KCNB2: variants seen among roughly 807,000 people sequenced by gnomAD.
KCNB2 encodes the protein delayed rectifier potassium channel protein.
Under a neutral mutation model 61.5 loss-of-function variants are expected in KCNB2, and 15 were observed. That is an observed-to-expected ratio of 0.24 (90% CI 0.16 to 0.38). The LOEUF is 0.38. Ranked by LOEUF, KCNB2 falls within the 10% of genes least tolerant of loss-of-function variation. The pLI, the probability that KCNB2 is intolerant of heterozygous loss-of-function variation, is 1.00. For missense variants in KCNB2, 828 were observed against 1,125.2 expected, an observed-to-expected ratio of 0.74 and a Z score of 3.78; for synonymous variants, 457 against 446.0, an observed-to-expected ratio of 1.02 and a Z score of -0.31.
chr8:72,826,064 T>C (rs1809591015), intron 2 of KCNB2, among the ~76,000 whole-genome samples: 1 of 152,244 alleles, frequency 6.6e-6, no homozygotes, highest in Admixed American at 6.5e-5. Flanking sequence ...TGAGTTAATC[T>C]TTATAAATGG....
intron 2 of KCNB2, among the ~76,000 whole-genome samples, chr8:72,925,038 G>T (rs1806611350): frequency 6.6e-6 from 1 of 152,164 alleles, no homozygotes; most frequent in Non-Finnish European, 1.5e-5. Context: ...TGGTCTTAAT[G>T]ATGCTGACCC....
rs1554544463 is a variant in KCNB2, at chr8:72,920,473, C to CTATA, written c.580-15450_580-15447dup. On this transcript the variant is annotated intron_variant, in intron 2 of 2. Transcript: ENST00000523207. ...TCTATCTATCTATCTATCTATCTATCTATATATATATATATTAGCTGGCCA... is the reference window on the plus strand; with the variant it reads ...TCTATCTATCTATCTATCTATCTATCTATATATATATATATATATTAGCTGGCCA... Among the ~76,000 whole-genome samples, 7 of 78,798 alleles carry CTATA rather than the reference C, an allele frequency of 8.9e-5. 1 individual carries two copies. Among genetic ancestry groups the CTATA allele is most frequent in the South Asian group, 4.2e-4 (1 of 2,366 alleles). 51.7% of individuals were successfully genotyped at this position (78,798 alleles called of 152,430 possible).
At chr8:72,641,749 TTCA>T (rs1454897927) in intron 2 of KCNB2, among the ~76,000 whole-genome samples, 1 of 152,130 alleles carries the variant, frequency 6.6e-6, no homozygotes, top group East Asian at 1.9e-4. Context: ...ACTCAGTTTC[TTCA>T]TCTGTAAAAT....
chr8:72,818,979 T>G (rs1210368921), intron 2 of KCNB2, among the ~76,000 whole-genome samples: 4 of 152,166 alleles, frequency 2.6e-5, no homozygotes, highest in Non-Finnish European at 5.9e-5. Context: ...GTGTCTCAGA[T>G]TCACCATTAT....
chr8:72,915,253 G>T (rs1178239489), intron 2 of KCNB2, among the ~76,000 whole-genome samples: 1 of 152,084 alleles, frequency 6.6e-6, no homozygotes, highest in African/African-American at 2.4e-5. Context: ...GGAAGAAGCT[G>T]CAGGGAGAAT....
intron 2 of KCNB2, among the ~76,000 whole-genome samples, chr8:72,797,410 A>C (rs1247605022): frequency 1.3e-5 from 2 of 152,224 alleles, no homozygotes; most frequent in African/African-American, 4.8e-5. Context: ...TTTGTGTAAT[A>C]AAAAATTGAC....
intron 2 of KCNB2, among the ~76,000 whole-genome samples, chr8:72,789,107 A>G (rs1474062265): frequency 3.3e-5 from 5 of 152,230 alleles, no homozygotes; most frequent in Non-Finnish European, 7.3e-5. Context: ...GTGACGAGCC[A>G]GAAACATAGT....
chr8:72,776,634 G>T (rs1201387651), intron 2 of KCNB2, among the ~76,000 whole-genome samples: 1 of 152,146 alleles, frequency 6.6e-6, no homozygotes, highest in African/African-American at 2.4e-5. Flanking sequence ...ACACATATGT[G>T]GGGTAGGGAC....
intron 2 of KCNB2, among the ~76,000 whole-genome samples, chr8:72,790,998 A>G (rs181495038): frequency 4.5e-4 from 69 of 152,340 alleles, no homozygotes; most frequent in Admixed American, 1.5e-3. Context: ...GAGCATTTCC[A>G]TGAATAAACA....
At chr8:72,579,804 T>C (rs936108173) in intron 2 of KCNB2, among the ~76,000 whole-genome samples, 2 of 152,338 alleles carry the variant, frequency 1.3e-5, no homozygotes, top group Middle Eastern at 3.4e-3. Context: ...ATCAGAGTGT[T>C]CTTGCAACCC....
At chr8:72,588,988 C>G (rs1397032901) in intron 2 of KCNB2, among the ~76,000 whole-genome samples, 2 of 152,146 alleles carry the variant, frequency 1.3e-5, no homozygotes, top group East Asian at 1.9e-4. Context: ...AACTCATAGT[C>G]TGATACCAGA....
intron 1 of KCNB2, among the ~76,000 whole-genome samples, chr8:72,563,353 T>C (rs1449120161): frequency 3.3e-5 from 5 of 152,162 alleles, no homozygotes; most frequent in Non-Finnish European, 5.9e-5. Flanking sequence ...TTGAGGGCAA[T>C]GTGGAACTGA....
At chr8:72,586,828 T>G (rs1321725196) in intron 2 of KCNB2, among the ~76,000 whole-genome samples, 1 of 152,140 alleles carries the variant, frequency 6.6e-6, no homozygotes, top group East Asian at 1.9e-4. Flanking sequence ...CACATCACAT[T>G]TTTTAAAAGC....
chr8:72,828,438 C>G (rs1194357521), intron 2 of KCNB2, among the ~76,000 whole-genome samples: 2 of 152,028 alleles, frequency 1.3e-5, no homozygotes, highest in African/African-American at 4.8e-5. Context: ...GCAGGGGTAC[C>G]TGGATTTTTT....
chr8:72,549,986 C>A (rs1437843777), intron 1 of KCNB2, among the ~76,000 whole-genome samples: 1 of 152,218 alleles, frequency 6.6e-6, no homozygotes. Flanking sequence ...CCATGTCTCA[C>A]TGGGGCCCAG....
intron 2 of KCNB2, among the ~76,000 whole-genome samples, chr8:72,614,214 A>G (rs1308954070): frequency 2.0e-5 from 3 of 152,206 alleles, no homozygotes; most frequent in African/African-American, 7.2e-5. Context: ...TTTATTAGAT[A>G]TTGATTGGAT....
intron 2 of KCNB2, among the ~76,000 whole-genome samples, chr8:72,825,049 C>T (rs932164585): frequency 9.2e-5 from 14 of 152,138 alleles, no homozygotes; most frequent in African/African-American, 7.2e-5. Context: ...AACACTAATT[C>T]GTCTTTCCTC....
intron 1 of KCNB2, among the ~76,000 whole-genome samples, chr8:72,555,959 G>A (rs76744196): frequency 0.12 from 17,704 of 151,712 alleles, 1,411 homozygotes; most frequent in East Asian, 0.46. Context: ...AATATCCTTC[G>A]TTTGTTTTTG....
Position 72,759,193 on chromosome 8 carries a change from C to T in KCNB2, c.580-176742C>T, listed in dbSNP as rs540751919. Reference sequence around the variant, plus strand: ...GAGGGATAGAGGGAAGGATGTGAATCTTTTCTGTTTTAATAGAAAAAAATT... The same window carrying T: ...GAGGGATAGAGGGAAGGATGTGAATTTTTTCTGTTTTAATAGAAAAAAATT... On this transcript the variant is annotated intron_variant, in intron 2 of 2. Transcript: ENST00000523207. Among the ~76,000 whole-genome samples, 3 of 152,198 alleles carry T rather than the reference C, an allele frequency of 2.0e-5. No homozygotes were observed. The South Asian group carries it at 6.2e-4, about 32-fold the overall frequency.
Sources: allele counts gnomAD v4.1 joint callset (sites outside exome capture counted in the v4.1 genomes callset), GRCh38; gene constraint gnomAD v4.1.1; transcripts MANE v1.5; gene names NCBI Gene and HGNC (gene_info 2026-07-23, HGNC 2026-07-21).